STRN4: variants seen among roughly 807,000 people sequenced by gnomAD.
The protein encoded by STRN4 is striatin-4.
Under a neutral mutation model 77.9 loss-of-function variants are expected in STRN4, and 27 were observed. That is an observed-to-expected ratio of 0.35 (90% confidence interval 0.26 to 0.48). The LOEUF (loss-of-function observed/expected upper bound fraction) is 0.48, where lower values mean the gene tolerates loss of function less well. STRN4 is among the 20% of genes least tolerant of loss of function. STRN4 has a pLI of 0.99. For synonymous variants in STRN4, 466 were observed against 443.1 expected, an observed-to-expected ratio of 1.05 and a Z score of -0.65; for missense variants, 798 against 1,049.7, an observed-to-expected ratio of 0.76 and a Z score of 3.31.
At chr19:46,728,240 A>T in intron 7 of STRN4, 1 of 643,190 alleles carries the variant, frequency 1.6e-6, no homozygotes, top group South Asian at 1.7e-5. Context: ...CATCCCACGT[A>T]TCCTGAGAGC....
At chr19:46,731,911 T>C (rs1409102511) in intron 5 of STRN4, 3 of 152,282 alleles carry the variant, frequency 2.0e-5, no homozygotes, top group Non-Finnish European at 4.4e-5. Flanking sequence ...CAACTAGACC[T>C]ATGTTTAGGG....
intron 6 of STRN4, 63 bp downstream of exon 6, chr19:46,730,669 C>T (rs571697375): frequency 6.9e-6 from 11 of 1,587,026 alleles, no homozygotes; most frequent in East Asian, 4.5e-5. Context: ...CAGGCTGACT[C>T]GGAAGGGCTT....
Position 46,728,579 on chromosome 19 carries a change from G to A in STRN4, c.1039+39C>T, listed in dbSNP as rs772743571. 6.9e-6 allele frequency: 11 copies of A among 1,596,554 alleles called. No homozygotes were observed. In the African/African-American group the frequency reaches 1.3e-4, roughly 19 times the overall value. ...GAGCCTGCTCCCACCCCCTCGGTGG[G>A]GAAGGCAAGCGGGGGCTGGCCAGAA... is the stretch of plus-strand genomic sequence containing the variant. On this transcript the variant is annotated intron_variant, in intron 7 of 17. Transcript: ENST00000263280.
At chr19:46,728,256 T>G in intron 7 of STRN4, 2 of 617,530 alleles carry the variant, frequency 3.2e-6, no homozygotes, top group South Asian at 1.8e-5. Flanking sequence ...AGAGCCCTCC[T>G]AGCTAGGAGT....
intron 16 of STRN4, chr19:46,721,013 C>A (rs929647854): frequency 1.2e-5 from 5 of 402,158 alleles, no homozygotes; most frequent in Non-Finnish European, 2.2e-5. Context: ...AGCCCCAGGG[C>A]GGCAGGGGCA....
chr19:46,722,594 G>A (rs537745456), intron 14 of STRN4, among the ~76,000 whole-genome samples: 1 of 152,344 alleles, frequency 6.6e-6, no homozygotes, highest in Admixed American at 6.5e-5. Context: ...GGCCCGACGG[G>A]GCGGCCCTGA....
chr19:46,745,044 T>A (rs1046043275), intron 1 of STRN4, among the ~76,000 whole-genome samples: 5 of 132,134 alleles, frequency 3.8e-5, no homozygotes, highest in African/African-American at 5.9e-5. Context: ...AACCCCAGTC[T>A]ACCCCCGTTC....
In STRN4 at chr19:46,726,903, A is replaced by T. The variant is rs60795754; in HGVS notation, c.1248+549T>A. Among the ~76,000 whole-genome samples the T allele has an allele frequency of 3.5e-3, 539 of 152,178 alleles. 3 individuals are homozygous for T. The highest frequency in any genetic ancestry group is 0.012 in the African/African-American group (516 of 41,510). On this transcript the variant is annotated intron_variant, in intron 9 of 17. Coordinates refer to ENST00000263280, the MANE Select transcript of STRN4 (RefSeq NM_013403.3). ...ATCTTGGGGCGTGCAGAGGGACCCC[A>T]TGGCACACTCCACTTCTCAGGCCTC...
rs1362426394 is a variant in STRN4 at position 46,728,689 on chromosome 19, C to T, written c.968G>A (p.Gly323Asp). 1 of 1,614,178 alleles carries T rather than the reference C, an allele frequency of 6.2e-7. No homozygotes were observed. Residue 323 changes from glycine (G) to aspartate (D), a missense_variant, in exon 7 of 18, where the codon GGC (glycine) becomes GAC (aspartate). Around this residue, in one of 2 missense-constraint regions of STRN4, gnomAD observed 511 missense variants for 575.9 expected, o/e 0.89. Transcript: ENST00000263280. ...AGCCCCTTCCCCATCCTCTCCTGAG[C>T]CCAGGAAATCAAACTCATTGATAGC... is the stretch of plus-strand genomic sequence containing the variant. ...EDAINEFDFL[G>D]SGEDGEGAPD...
At position 46,734,054 on chromosome 19, in the gene STRN4, G is replaced by A. The variant is rs535480848; in HGVS notation, c.540-818C>T. The stretch of plus-strand genomic sequence containing the variant: ...CTGTCTCTTGAATGTTAGGCTGCAC[G>A]CACCTGCATGTACGTCTCATCCTGT... On this transcript the variant is annotated intron_variant, in intron 4 of 17. Transcript: ENST00000263280. Among the ~76,000 whole-genome samples the A allele has an allele frequency of 3.1e-4, 47 of 152,282 alleles. 1 individual carries two copies. The South Asian group carries it at 3.7e-3, about 12-fold the overall frequency.
At position 46,722,460 on chromosome 19, in the gene STRN4, C is replaced by T. The variant is rs528081609; in HGVS notation, c.1907-120G>A. ...GCCTCTGCCTGGATGTCGAGGGGGG[C>T]TGGGCGAGGGCACTCCGGTCCCCGA... On this transcript the variant is annotated intron_variant, in intron 14 of 17. Transcript: ENST00000263280. 2.5e-5 allele frequency: 27 copies of T among 1,100,336 alleles called. No homozygotes were observed. The East Asian group carries it at 4.1e-4, about 17-fold the overall frequency. 68.2% of individuals were successfully genotyped at this position (1,100,336 alleles called of 1,614,324 possible). A position where few individuals can be genotyped will look rare whatever the true frequency, so the allele number is the denominator to read the frequency against.
At chr19:46,734,252 T>C (rs541867277) in intron 4 of STRN4, among the ~76,000 whole-genome samples, 1 of 152,332 alleles carries the variant, frequency 6.6e-6, no homozygotes, top group Admixed American at 6.5e-5. Context: ...AGGGGAACAC[T>C]AGCATTATAC....
rs2054549286 is a variant in STRN4, at chr19:46,744,948, CTTCCA to C, written c.282+1196_282+1200del. On this transcript the variant is annotated intron_variant, in intron 1 of 17. Coordinates refer to ENST00000263280, the MANE Select transcript of STRN4 (RefSeq NM_013403.3). ...AAACCCTAGCCCAACTCCTCAGACT[CTTCCA>C]TTCAACATCCCTGTCCCAAGCTACC... 2.6e-5 allele frequency among the ~76,000 whole-genome samples: 4 copies of C among 152,132 alleles called. No homozygotes were observed. The South Asian group carries it at 8.3e-4, about 32-fold the overall frequency.
Position 46,746,398 on chromosome 19 carries a change from G to GGCGACCGCGGCGGCC in STRN4, c.18_32dup (p.Val10_Ala14dup). On this transcript the variant is annotated inframe_insertion, in exon 1 of 18. Transcript: ENST00000263280. ...GCGGACGGCAGGAGGAGGCGGCGGC[G>GGCGACCGCGGCGGCC]GCGACCGCGGCGGCCGCTCGCTCCT... is the stretch of plus-strand genomic sequence containing the variant. The GGCGACCGCGGCGGCC allele has an allele frequency of 9.4e-7, 1 of 1,062,182 alleles. No homozygotes were observed. Among genetic ancestry groups the GGCGACCGCGGCGGCC allele is most frequent in the Non-Finnish European group, 1.1e-6 (1 of 882,442 alleles). 65.8% of individuals were successfully genotyped at this position (1,062,182 alleles called of 1,614,324 possible).
Position 46,722,934 on chromosome 19 carries a change from G to A in STRN4, c.1782C>T (p.Thr594=). 1.2e-6 allele frequency: 2 copies of A among 1,613,954 alleles called. No individual in the cohort carries two copies. The highest frequency in any genetic ancestry group is 1.7e-6 in the Non-Finnish European group (2 of 1,180,042). Residue 594 remains threonine (T), a synonymous_variant, in exon 14 of 18, where the codon ACC becomes ACT. Coordinates refer to ENST00000263280, the MANE Select transcript of STRN4 (RefSeq NM_013403.3). ...FPTASEHGVP[T]SVAFTSTEPA... ...GCTCGGTGCTGGTGAAGGCCACTGA[G>A]GTGGGGACCCCGTGCTCTGAGGGCA...
intron 5 of STRN4, chr19:46,732,085 C>T (rs566449040): frequency 1.3e-5 from 2 of 151,472 alleles, no homozygotes; most frequent in Non-Finnish European, 2.9e-5. Flanking sequence ...TGGAGTCGCT[C>T]GTTTCTTTTC....
intron 3 of STRN4, among the ~76,000 whole-genome samples, chr19:46,737,130 C>G (rs956782742): frequency 6.6e-6 from 1 of 152,168 alleles, no homozygotes; most frequent in Non-Finnish European, 1.5e-5. Context: ...AACTGGCCCC[C>G]GACAAGATAA....
In STRN4 at chr19:46,744,400, T is replaced by C. The variant is rs77029698; in HGVS notation, c.282+1749A>G. Among the ~76,000 whole-genome samples, 273 of 152,314 alleles carry C rather than the reference T, an allele frequency of 1.8e-3. 1 individual carries two copies. Among genetic ancestry groups the C allele is most frequent in the African/African-American group, 5.9e-3 (245 of 41,556 alleles). ...CATCCTATGAACAAAATGCTTTTTT[T>C]TGAGACAGGATCTCACTCTTTTGCC... On this transcript the variant is annotated intron_variant, in intron 1 of 17. Transcript: ENST00000263280.
At position 46,738,171 on chromosome 19, in the gene STRN4, T is replaced by C. The variant is rs959267716; in HGVS notation, c.453A>G (p.Ser151=). 5.0e-6 allele frequency: 8 copies of C among 1,614,092 alleles called. No individual in the cohort carries two copies. The highest frequency in any genetic ancestry group is 6.8e-6 in the Non-Finnish European group (8 of 1,180,020). ...GCATCAGAGGGTGGGTACCTTGTTC[T>C]GACACATCTGCTTTCTTCTCCCCCT... ...LNQGEKKADV[S]EQVSNGPVES... is the part of the protein sequence containing the mutation. The change falls in exon 3 of 18, where the codon TCA becomes TCG. Residue 151 remains serine, a synonymous_variant. Transcript: ENST00000263280. This position sits in a 1 kb window ranked among gnomAD's most constrained non-coding sequence, Gnocchi z 4.5.
Sources: gnomAD v4.1 joint callset for allele counts (sites outside exome capture counted in the v4.1 genomes callset) on GRCh38, gnomAD v4.1.1 for gene constraint, gnomAD v4.1.1 regional missense constraint, Gnocchi (gnomAD v3.1) non-coding constraint, MANE v1.5 for transcripts, NCBI Gene and HGNC (gene_info 2026-07-23, HGNC 2026-07-21) for gene names.